Variants in SGK2 observed in about 807,000 individuals in gnomAD.
SGK2 encodes the protein serum/glucocorticoid regulated kinase 2, also known as serine/threonine-protein kinase Sgk2.
In SGK2, 36 loss-of-function variants were observed where a neutral mutation model predicts 47.5. The ratio of observed to expected loss-of-function variants is 0.76; its 90% CI spans 0.58 to 1.00. SGK2 has a LOEUF of 1.00. Ranked by LOEUF, SGK2 falls within the 50% of genes least tolerant of loss-of-function variation. The pLI is 0.00. For missense variants in SGK2, 404 were observed against 467.4 expected, an observed-to-expected ratio of 0.86 and a Z score of 1.25; for synonymous variants, 157 against 181.9, an observed-to-expected ratio of 0.86 and a Z score of 1.10.
Position 43,559,961 on chromosome 20 carries a change from G to A in SGK2, c.-24+802G>A, listed in dbSNP as rs964879566. Among the ~76,000 whole-genome samples, 13 of 152,130 alleles carry A rather than the reference G, an allele frequency of 8.5e-5. No homozygotes were observed. The East Asian group carries it at 2.3e-3, about 27-fold the overall frequency. ...AGGGGCTTGAGTGGGAGTTTGCGGA[G>A]TCTGAAGAGTTAGGAGAATATATTG... On this transcript the variant is annotated intron_variant, in intron 1 of 12. Transcript: ENST00000373100.
chr20:43,571,056 G>T lies in SGK2; in HGVS notation c.506G>T (p.Cys169Phe), dbSNP rs1305632607. The change falls in exon 8 of 13, where the codon TGC (cysteine) becomes TTC (phenylalanine). Residue 169 changes from cysteine to phenylalanine, a missense_variant. Cys to Phe is a radical substitution (Grantham distance 205). Coordinates refer to ENST00000373100, the MANE Select transcript of SGK2 (RefSeq NM_170693.3). ...AAACCAGAGAACATTCTCTTGGACT[G>T]CCAGGTTGGTGTGTGTGTGTGTGTG... ...DLKPENILLD[C>F]QGHVVLTDFG... 2 of 1,595,984 alleles carry T rather than the reference G, an allele frequency of 1.3e-6. No homozygotes were observed. The highest frequency in any genetic ancestry group is 2.9e-5 in the African/African-American group (2 of 68,268).
chr20:43,566,575 C>T, intron 2 of SGK2, 44 bp downstream of exon 2: 1 of 1,350,608 alleles, frequency 7.4e-7, no homozygotes, highest in African/African-American at 1.4e-5. Flanking sequence ...GGGCTCACTT[C>T]TTCCCGAGGC....
chr20:43,579,686 C>G (rs1980670537), intron 11 of SGK2, among the ~76,000 whole-genome samples: 1 of 152,154 alleles, frequency 6.6e-6, no homozygotes, highest in South Asian at 2.1e-4. Context: ...ATGTATTATT[C>G]ACTGACACCC....
intron 1 of SGK2, chr20:43,565,632 G>A (rs1979653701): frequency 6.6e-6 from 1 of 152,260 alleles, no homozygotes; most frequent in Non-Finnish European, 1.5e-5. Context: ...CAAGACTAAG[G>A]TCTTGAGATG....
chr20:43,579,962 C>T lies in SGK2; in HGVS notation c.850-10C>T. On this transcript the variant is annotated splice_polypyrimidine_tract_variant and intron_variant, in intron 11 of 12. Transcript: ENST00000373100. ...TTCTAACCAGAACCTTTTTTCTGCA[C>T]TTCCTGCAGCTTGAGATTAAGAACC... The T allele has an allele frequency of 6.2e-7, 1 of 1,607,702 alleles. No homozygotes were observed. Among genetic ancestry groups the T allele is most frequent in the Non-Finnish European group, 8.5e-7 (1 of 1,174,208 alleles).
chr20:43,568,487 C>A (rs117081072), intron 5 of SGK2, among the ~76,000 whole-genome samples: 15 of 151,498 alleles, frequency 9.9e-5, no homozygotes, highest in Non-Finnish European at 2.2e-4. Context: ...TCATGGACTT[C>A]TTTTTTTGTT....
At chr20:43,568,099 C>A in intron 5 of SGK2, 100 bp downstream of exon 5, 1 of 888,450 alleles carries the variant, frequency 1.1e-6, no homozygotes, top group Non-Finnish European at 1.8e-6. Flanking sequence ...GTCCATGGGC[C>A]TGGGTGCAGA....
At chr20:43,561,642 C>T (rs956564693) in intron 1 of SGK2, among the ~76,000 whole-genome samples, 1 of 152,072 alleles carries the variant, frequency 6.6e-6, no homozygotes, top group Non-Finnish European at 1.5e-5. Context: ...CCGCCTCGGC[C>T]TCCCAAAGCA....
At chr20:43,576,400 G>C (rs536376695) in intron 11 of SGK2, 21 bp downstream of exon 11, 2 of 1,609,278 alleles carry the variant, frequency 1.2e-6, no homozygotes, top group African/African-American at 1.3e-5. Flanking sequence ...TACCAGTGGA[G>C]CACTGGCCCC....
intron 11 of SGK2, among the ~76,000 whole-genome samples, chr20:43,578,422 A>C (rs1365435045): frequency 6.6e-6 from 1 of 152,034 alleles, no homozygotes; most frequent in Non-Finnish European, 1.5e-5. Context: ...GGGTGGGTGG[A>C]GGTTGCAGTG....
intron 2 of SGK2, 111 bp from the exon 3 acceptor site, chr20:43,566,957 A>T: frequency 1.2e-6 from 1 of 814,864 alleles, no homozygotes; most frequent in Non-Finnish European, 2.0e-6. Context: ...GAAAAGAAAA[A>T]GGCAGGCAGG....
At chr20:43,576,899 G>C (rs1980493673) in intron 11 of SGK2, among the ~76,000 whole-genome samples, 1 of 152,220 alleles carries the variant, frequency 6.6e-6, no homozygotes. Context: ...CTGAGATCGT[G>C]CCATTGCACT....
Position 43,572,053 on chromosome 20 carries a change from AC to A in SGK2, c.514del (p.His172ThrfsTer4). ...PENILLDCQG[H>X]VVLTDFGLCK... Reference sequence around the variant, plus strand: ...CCCATGCCCTCCGTCATTCTCAGGGACACGTGGTGCTGACGGATTTTGGCCT... The same window carrying A: ...CCCATGCCCTCCGTCATTCTCAGGGAACGTGGTGCTGACGGATTTTGGCCT... On this transcript the variant is annotated frameshift_variant, in exon 9 of 13. Coordinates refer to ENST00000373100, the MANE Select transcript of SGK2 (RefSeq NM_170693.3). LOFTEE classifies it high-confidence loss of function. This position sits in a 1 kb window ranked among gnomAD's most constrained non-coding sequence, Gnocchi z 4.2. The A allele has an allele frequency of 6.5e-7, 1 of 1,547,954 alleles. No homozygotes were observed.
chr20:43,576,340 C>A lies in SGK2; in HGVS notation c.810C>A (p.His270Gln), dbSNP rs1251941393. The A allele has an allele frequency of 6.2e-7, 1 of 1,614,118 alleles. No individual in the cohort carries two copies. Among genetic ancestry groups the A allele is most frequent in the Non-Finnish European group, 8.5e-7 (1 of 1,180,040 alleles). The change falls in exon 11 of 13, where the codon CAC (histidine) becomes CAA (glutamine). Residue 270 changes from histidine (H) to glutamine (Q), a missense_variant. By Grantham distance (24) the His-to-Gln change is conservative (BLOSUM62 0). Transcript: ENST00000373100. Reference sequence around the variant, plus strand: ...GTGACCTCCTGCAAAGCCTTCTCCACAAGGACCAGAGGCAGCGGCTGGGCT... The same window carrying A: ...GTGACCTCCTGCAAAGCCTTCTCCAAAAGGACCAGAGGCAGCGGCTGGGCT... Reference protein sequence around the residue: ...AACDLLQSLLHKDQRQRLGSK... With the variant: ...AACDLLQSLLQKDQRQRLGSK...
intron 6 of SGK2, chr20:43,569,751 C>T (rs1169045379): frequency 4.0e-6 from 2 of 498,050 alleles, no homozygotes; most frequent in Non-Finnish European, 7.3e-6. Flanking sequence ...CACCATAATG[C>T]TTTCTTGCCT....
chr20:43,582,169 TCCTGAGTACCTCAG>T (rs1252492223), intron 12 of SGK2, among the ~76,000 whole-genome samples: 2 of 4,104 alleles, frequency 4.9e-4, no homozygotes, highest in African/African-American at 7.2e-4. Flanking sequence ...TACCTCAGCC[TCCTGAGTACCTCAG>T]CCTCCTGAGT....
In SGK2 at chr20:43,572,260, G is replaced by A; in HGVS notation, c.597+123G>A. On this transcript the variant is annotated intron_variant, in intron 9 of 12. Transcript: ENST00000373100. The surrounding 1 kb of genome is among the most constrained non-coding windows in gnomAD (Gnocchi z 4.2). ...TTGACCCAAACACTTCTCCTGAGTGGGCTATACACTGAACTGTGGTTTCCT... is the reference window on the plus strand; with the variant it reads ...TTGACCCAAACACTTCTCCTGAGTGAGCTATACACTGAACTGTGGTTTCCT... The A allele has an allele frequency of 2.8e-6, 2 of 717,954 alleles. No homozygotes were observed. The highest frequency in any genetic ancestry group is 4.8e-6 in the Non-Finnish European group (2 of 412,706). The allele number at this position is 717,954 out of a possible 1,614,324, so 44.5% of individuals were successfully genotyped here.
chr20:43,583,078 A>G (rs2145562039), intron 12 of SGK2: 1 of 920,902 alleles, frequency 1.1e-6, no homozygotes, highest in East Asian at 6.3e-5. Context: ...CCTTCCATCG[A>G]AACAGCCTGC....
intron 9 of SGK2, among the ~76,000 whole-genome samples, chr20:43,574,138 G>A (rs1980324769): frequency 6.6e-6 from 1 of 152,194 alleles, no homozygotes; most frequent in South Asian, 2.1e-4. Flanking sequence ...GCTCAGGTCT[G>A]TGTGACTCTG....
Sources: gnomAD v4.1 joint callset for allele counts (sites outside exome capture counted in the v4.1 genomes callset) on GRCh38, gnomAD v4.1.1 for gene constraint, Gnocchi (gnomAD v3.1) non-coding constraint, MANE v1.5 for transcripts, NCBI Gene and HGNC (gene_info 2026-07-23, HGNC 2026-07-21) for gene names.